Variants in ABLIM1 observed in about 807,000 individuals in gnomAD.
ABLIM1 encodes actin binding LIM protein 1, also known as actin-binding LIM protein 1.
Under a neutral mutation model 107.0 loss-of-function variants are expected in ABLIM1, and 40 were observed. The ratio of observed to expected loss-of-function variants is 0.37; its 90% CI spans 0.29 to 0.49. ABLIM1 has a LOEUF of 0.49. Among genes scored for constraint, ABLIM1 ranks in the 20% least tolerant of loss-of-function variants. The pLI, the probability that ABLIM1 is intolerant of heterozygous loss-of-function variation, is 0.97. For synonymous variants in ABLIM1, 357 were observed against 357.3 expected, an observed-to-expected ratio of 1.00 and a Z score of 0.01; for missense variants, 857 against 1,008.5, an observed-to-expected ratio of 0.85 and a Z score of 2.04.
intron 6 of ABLIM1, among the ~76,000 whole-genome samples, chr10:114,525,225 G>C (rs551159483): frequency 7.9e-5 from 12 of 152,368 alleles, no homozygotes; most frequent in Non-Finnish European, 1.2e-4. Flanking sequence ...CTGAGGTTGA[G>C]AAACCCTGTT....
At chr10:114,602,667 T>C (rs546997086) in intron 1 of ABLIM1, among the ~76,000 whole-genome samples, 2 of 152,352 alleles carry the variant, frequency 1.3e-5, no homozygotes, top group South Asian at 4.1e-4. Context: ...CATGGATCTC[T>C]CTGAACCTCA....
At chr10:114,490,444 T>C (rs146778576) in intron 7 of ABLIM1, among the ~76,000 whole-genome samples, 1,691 of 152,180 alleles carry the variant, frequency 0.011, 22 homozygotes, top group Non-Finnish European at 0.014. Context: ...AAAACAAAAT[T>C]GAGAGAGCAA....
At chr10:114,685,082 T>C (rs1484982910), upstream of ABLIM1, 1 of 152,180 alleles carries the variant, frequency 6.6e-6, no homozygotes, top group Non-Finnish European at 1.5e-5. Context: ...CCGGAAAGAC[T>C]CAGGAAAGAG....
intron 12 of ABLIM1, among the ~76,000 whole-genome samples, chr10:114,459,964 T>C (rs2063528689): frequency 6.6e-6 from 1 of 152,230 alleles, no homozygotes; most frequent in African/African-American, 2.4e-5. Flanking sequence ...TTTATAACCA[T>C]TTAATATTTC....
At chr10:114,690,528 ACACG>A in intron 1 of ABLIM1, 1 of 1,399,926 alleles carries the variant, frequency 7.1e-7, no homozygotes, top group Non-Finnish European at 1.0e-6. Context: ...CATGCCCAGA[ACACG>A]AAGGTTTTCT....
rs767626202 is a variant in ABLIM1 at position 114,750,104 on chromosome 10, T to C, written c.-213+17957A>G. Reference sequence around the variant, plus strand: ...TTTAAAAATCTGTTGTGTGCACTGCTACAGCTACTGCTCCTAAAACAGCAG... The same window carrying C: ...TTTAAAAATCTGTTGTGTGCACTGCCACAGCTACTGCTCCTAAAACAGCAG... On this transcript the variant is annotated intron_variant, in intron 1 of 15. Coordinates refer to the ABLIM1 transcript ENST00000651092. Among the ~76,000 whole-genome samples, 6 of 152,212 alleles carry C rather than the reference T, an allele frequency of 3.9e-5. 1 individual carries two copies. Among genetic ancestry groups the C allele is most frequent in the Non-Finnish European group, 7.3e-5 (5 of 68,044 alleles).
At chr10:114,758,480 T>C (rs1387927221) in intron 1 of ABLIM1, among the ~76,000 whole-genome samples, 1 of 152,160 alleles carries the variant, frequency 6.6e-6, no homozygotes, top group Non-Finnish European at 1.5e-5. Context: ...AACAAAAAAA[T>C]TCTCCCTGGA....
intron 6 of ABLIM1, 101 bp downstream of exon 6, chr10:114,544,904 A>G (rs2067126359): frequency 1.8e-6 from 2 of 1,090,400 alleles, no homozygotes; most frequent in Non-Finnish European, 1.4e-6. Flanking sequence ...TCCACAGGTG[A>G]AAAAAAGATG....
intron 4 of ABLIM1, among the ~76,000 whole-genome samples, chr10:114,551,443 G>A (rs563885982): frequency 6.6e-6 from 1 of 151,890 alleles, no homozygotes; most frequent in South Asian, 2.1e-4. Flanking sequence ...ACTGGCCCAC[G>A]GCCAATCAGA....
At chr10:114,585,260 CT>C (rs2074057343) in intron 2 of ABLIM1, among the ~76,000 whole-genome samples, 2 of 152,072 alleles carry the variant, frequency 1.3e-5, no homozygotes, top group Non-Finnish European at 2.9e-5. Context: ...ATTCCTTTCC[CT>C]TTTTTAGTCT....
chr10:114,716,443 A>ACACACACACC (rs769945611), intron 1 of ABLIM1, among the ~76,000 whole-genome samples: 5 of 148,170 alleles, frequency 3.4e-5, no homozygotes, highest in African/African-American at 1.2e-4. Flanking sequence ...ACACACACAC[A>ACACACACACC]CCCCTCCCCA....
At chr10:114,762,794 T>C (rs541409396) in intron 1 of ABLIM1, among the ~76,000 whole-genome samples, 13 of 152,316 alleles carry the variant, frequency 8.5e-5, no homozygotes, top group African/African-American at 3.1e-4. Context: ...ACACACTCTT[T>C]TCACTTAACA....
At chr10:114,522,771 C>T (rs1025083059) in intron 6 of ABLIM1, among the ~76,000 whole-genome samples, 2 of 152,194 alleles carry the variant, frequency 1.3e-5, no homozygotes, top group African/African-American at 4.8e-5. Flanking sequence ...TGAAGGTCCC[C>T]TCCCGTCAAA....
chr10:114,666,533 A>G (rs1299181469), intron 1 of ABLIM1, among the ~76,000 whole-genome samples: 1 of 152,190 alleles, frequency 6.6e-6, no homozygotes, highest in Non-Finnish European at 1.5e-5. Context: ...ACAAACAACA[A>G]CATGGTCAGT....
chr10:114,687,357 T>C (rs1289885484), upstream of ABLIM1, among the ~76,000 whole-genome samples: 3 of 152,218 alleles, frequency 2.0e-5, no homozygotes, highest in African/African-American at 7.2e-5. Flanking sequence ...TTAGAGATAA[T>C]TTCCATCACA....
At chr10:114,496,073 A>G (rs1047848101) in intron 6 of ABLIM1, among the ~76,000 whole-genome samples, 2 of 152,256 alleles carry the variant, frequency 1.3e-5, no homozygotes, top group African/African-American at 4.8e-5. Context: ...GGTCATTCAC[A>G]AAAAGAAGGC....
At chr10:114,551,355 A>G (rs1315494493) in intron 4 of ABLIM1, among the ~76,000 whole-genome samples, 1 of 152,260 alleles carries the variant, frequency 6.6e-6, no homozygotes, top group African/African-American at 2.4e-5. Context: ...GACCACTGTT[A>G]GGGGATAGAA....
chr10:114,493,350 T>C (rs1412827709), intron 6 of ABLIM1, among the ~76,000 whole-genome samples: 1 of 152,146 alleles, frequency 6.6e-6, no homozygotes, highest in East Asian at 1.9e-4. Flanking sequence ...GGCAAGACCA[T>C]GGTGTCGTCT....
intron 6 of ABLIM1, among the ~76,000 whole-genome samples, chr10:114,512,989 GT>G (rs1333733932): frequency 4.6e-5 from 7 of 152,210 alleles, no homozygotes; most frequent in South Asian, 2.1e-4. Context: ...AAACTCGAGA[GT>G]TTTTTCCTAT....
Sources: gnomAD v4.1 joint callset for allele counts (sites outside exome capture counted in the v4.1 genomes callset) on GRCh38, gnomAD v4.1.1 for gene constraint, MANE v1.5 for transcripts, NCBI Gene and HGNC (gene_info 2026-07-23, HGNC 2026-07-21) for gene names.